The following TMEM117 variants were observed in gnomAD, a reference collection of about 807,000 sequenced individuals.
TMEM117 encodes the protein transmembrane protein 117.
A neutral mutation model predicts 52.4 loss-of-function variants in TMEM117; 27 were observed. The observed-to-expected ratio is 0.51, with a 90% confidence interval of 0.38 to 0.71. TMEM117 has a LOEUF of 0.71. Ranked by LOEUF, TMEM117 falls within the 30% of genes least tolerant of loss-of-function variation. The pLI, the probability that TMEM117 is intolerant of heterozygous loss-of-function variation, is 0.00. For synonymous variants in TMEM117, 215 were observed against 206.3 expected (o/e 1.04, Z -0.36); for missense variants, 556 against 630.5 (o/e 0.88, Z 1.26).
intron 5 of TMEM117, among the ~76,000 whole-genome samples, chr12:44,285,161 T>G (rs1231034707): frequency 6.6e-6 from 1 of 151,476 alleles, no homozygotes; most frequent in East Asian, 1.9e-4. Flanking sequence ...CCCAGACGTA[T>G]TTTTTTCAGC....
intron 5 of TMEM117, among the ~76,000 whole-genome samples, chr12:44,284,871 T>C (rs1198336142): frequency 6.6e-6 from 1 of 152,250 alleles, no homozygotes; most frequent in African/African-American, 2.4e-5. Flanking sequence ...ACTAAAATGG[T>C]TCTTCCTAAC....
intron 4 of TMEM117, among the ~76,000 whole-genome samples, chr12:44,150,060 T>C (rs947156371): frequency 8.5e-5 from 13 of 152,350 alleles, no homozygotes; most frequent in African/African-American, 3.1e-4. Flanking sequence ...TTTCTCTGCC[T>C]GTTCATTGGA....
chr12:43,911,580 T>A (rs1267497494), intron 2 of TMEM117, among the ~76,000 whole-genome samples: 1 of 149,354 alleles, frequency 6.7e-6, no homozygotes, highest in Non-Finnish European at 1.5e-5. Flanking sequence ...TGGGAGAAAA[T>A]TTTTGCAAGC....
At chr12:43,971,831 G>A (rs573109652) in intron 3 of TMEM117, among the ~76,000 whole-genome samples, 1 of 152,306 alleles carries the variant, frequency 6.6e-6, no homozygotes, top group African/African-American at 2.4e-5. Flanking sequence ...TAGGCACAAT[G>A]TTGTATAGCA....
At chr12:44,150,341 C>A (rs1318038195) in intron 4 of TMEM117, among the ~76,000 whole-genome samples, 1 of 152,044 alleles carries the variant, frequency 6.6e-6, no homozygotes, top group East Asian at 1.9e-4. Flanking sequence ...AGGAGGCAAG[C>A]AAAGATATAG....
intron 2 of TMEM117, among the ~76,000 whole-genome samples, chr12:43,926,590 T>G (rs1220220471): frequency 6.6e-6 from 1 of 152,202 alleles, no homozygotes; most frequent in African/African-American, 2.4e-5. Context: ...AATTGTTACT[T>G]GAATGTTTGT....
At chr12:44,310,001 G>A (rs1807676735) in intron 6 of TMEM117, among the ~76,000 whole-genome samples, 1 of 152,162 alleles carries the variant, frequency 6.6e-6, no homozygotes, top group Non-Finnish European at 1.5e-5. Flanking sequence ...AGTTAAGTCA[G>A]CTTGTTTCTA....
chr12:43,839,051 C>T (rs543514910), intron 1 of TMEM117, among the ~76,000 whole-genome samples: 2 of 152,196 alleles, frequency 1.3e-5, no homozygotes, highest in East Asian at 3.9e-4. Flanking sequence ...TGGATTTTGC[C>T]TAGGTCACAT....
intron 5 of TMEM117, among the ~76,000 whole-genome samples, chr12:44,282,495 G>A (rs1950590428): frequency 6.6e-6 from 1 of 152,184 alleles, no homozygotes; most frequent in Non-Finnish European, 1.5e-5. Context: ...GAGTAAAGGT[G>A]ACTCTTGTTA....
chr12:43,960,332 G>A (rs547536125), intron 3 of TMEM117, among the ~76,000 whole-genome samples: 7 of 151,144 alleles, frequency 4.6e-5, no homozygotes, highest in African/African-American at 1.5e-4. Context: ...GAGAGGGAAG[G>A]GGGTAAGAGG....
chr12:44,287,786 T>C (rs1272266556), intron 5 of TMEM117, among the ~76,000 whole-genome samples: 1 of 152,218 alleles, frequency 6.6e-6, no homozygotes, highest in African/African-American at 2.4e-5. Context: ...TTCTATCTTA[T>C]ATGTTACATA....
chr12:44,058,297 ATGAAAAAGTC>A (rs1947089301), intron 3 of TMEM117, among the ~76,000 whole-genome samples: 1 of 152,220 alleles, frequency 6.6e-6, no homozygotes, highest in African/African-American at 2.4e-5. Context: ...TCAAATCAGT[ATGAAAAAGTC>A]TGAAACCTGT....
intron 6 of TMEM117, among the ~76,000 whole-genome samples, chr12:44,308,619 C>CTTT (rs35047531): frequency 0.018 from 2,524 of 137,912 alleles, 95 homozygotes; most frequent in African/African-American, 0.065. Flanking sequence ...TTCTTTGTAA[C>CTTT]TTTTTTTTTT....
intron 3 of TMEM117, among the ~76,000 whole-genome samples, chr12:43,947,899 A>T (rs765846709): frequency 2.2e-4 from 33 of 152,102 alleles, no homozygotes; most frequent in Admixed American, 7.9e-4. Flanking sequence ...GTTTTCTTAG[A>T]CTGGTCTGCA....
In TMEM117 at chr12:44,387,478, G is replaced by A. The variant is rs188849891; in HGVS notation, c.899-548G>A. 5.9e-5 allele frequency among the ~76,000 whole-genome samples: 9 copies of A among 152,018 alleles called. No individual in the cohort carries two copies. The East Asian group carries it at 1.7e-3, about 29-fold the overall frequency. ...TTGATGTAATTATTTTTAAAGTCTT[G>A]AATGCTCAAGGATTATTGATCTGAA... On this transcript the variant is annotated intron_variant, in intron 7 of 7. Coordinates refer to ENST00000266534, the MANE Select transcript of TMEM117 (RefSeq NM_032256.3).
chr12:44,299,279 C>T (rs2138639843), intron 5 of TMEM117, among the ~76,000 whole-genome samples: 1 of 152,028 alleles, frequency 6.6e-6, no homozygotes, highest in Admixed American at 6.5e-5. Flanking sequence ...TACAGGCGCA[C>T]ACCACTGCGT....
upstream of TMEM117, among the ~76,000 whole-genome samples, chr12:43,833,389 C>A (rs1268662787): frequency 1.3e-5 from 2 of 152,124 alleles, no homozygotes; most frequent in African/African-American, 4.8e-5. Flanking sequence ...TCCCACTATC[C>A]CCTGAAATAC....
chr12:44,103,418 A>G (rs1429903986), intron 3 of TMEM117, among the ~76,000 whole-genome samples: 1 of 151,994 alleles, frequency 6.6e-6, no homozygotes, highest in Non-Finnish European at 1.5e-5. Flanking sequence ...ATATATTTGT[A>G]GGTTCAATTT....
At chr12:44,125,354 G>A (rs1434074210) in intron 3 of TMEM117, among the ~76,000 whole-genome samples, 5 of 152,088 alleles carry the variant, frequency 3.3e-5, no homozygotes, top group Non-Finnish European at 7.4e-5. Flanking sequence ...TGATCTGCCC[G>A]CCTCGGCCTC....
Sources: allele counts gnomAD v4.1 joint callset (sites outside exome capture counted in the v4.1 genomes callset), GRCh38; gene constraint gnomAD v4.1.1; transcripts MANE v1.5; gene names NCBI Gene and HGNC (gene_info 2026-07-23, HGNC 2026-07-21).